The following IMPA2 variants were observed in gnomAD, a reference collection of about 807,000 sequenced individuals.
IMPA2 encodes the protein IMP 2.
IMPA2 carries 32 observed loss-of-function variants against 35.1 expected under a neutral mutation model. That is an observed-to-expected ratio of 0.91 (90% CI 0.69 to 1.23). The LOEUF is 1.23. IMPA2 is among the 50% of genes most tolerant of loss of function. IMPA2 has a pLI of 0.00. For missense variants in IMPA2, 334 were observed against 387.6 expected (o/e 0.86, Z 1.16); for synonymous variants, 135 against 160.6 (o/e 0.84, Z 1.20).
chr18:12,016,291 G>A (rs1021432314), intron 5 of IMPA2, among the ~76,000 whole-genome samples: 2 of 152,152 alleles, frequency 1.3e-5, no homozygotes, highest in African/African-American at 2.4e-5. Flanking sequence ...CAGGACAGGC[G>A]GTTCCACGTG....
intron 5 of IMPA2, among the ~76,000 whole-genome samples, chr18:12,015,619 C>T (rs2143812076): frequency 6.6e-6 from 1 of 152,326 alleles, no homozygotes; most frequent in African/African-American, 2.4e-5. Flanking sequence ...TCATGGGGGC[C>T]TCTGAGGGGC....
intron 4 of IMPA2, 118 bp from the exon 5 acceptor site, chr18:12,014,147 A>G (rs1907509003): frequency 2.8e-6 from 2 of 725,594 alleles, no homozygotes; most frequent in Non-Finnish European, 2.4e-6. Context: ...AATTTCTGTC[A>G]CAGTGTAATG....
In IMPA2 at chr18:11,991,156, A is replaced by G. The variant is rs908521061; in HGVS notation, c.97-7898A>G. On this transcript the variant is annotated intron_variant, in intron 1 of 7. Coordinates refer to ENST00000269159, the MANE Select transcript of IMPA2 (RefSeq NM_014214.3). This position sits in a 1 kb window ranked among gnomAD's most constrained non-coding sequence, Gnocchi z 4.1. Reference sequence around the variant, plus strand: ...ATGGTGGGGAGATAGGAGGAAAGCCACGAGGGGAGGCAGGGGCCACAGGCC... The same window carrying G: ...ATGGTGGGGAGATAGGAGGAAAGCCGCGAGGGGAGGCAGGGGCCACAGGCC... 3.3e-5 allele frequency among the ~76,000 whole-genome samples: 5 copies of G among 152,198 alleles called. No homozygotes were observed. The highest frequency in any genetic ancestry group is 7.3e-5 in the Non-Finnish European group (5 of 68,032).
intron 1 of IMPA2, among the ~76,000 whole-genome samples, chr18:11,984,781 C>T (rs1303869801): frequency 6.6e-6 from 1 of 151,880 alleles, no homozygotes; most frequent in East Asian, 1.9e-4. Context: ...TCCTGGCTAA[C>T]ACGGTGAAAC....
At chr18:11,997,485 T>G (rs1322884851) in intron 1 of IMPA2, among the ~76,000 whole-genome samples, 2 of 93,858 alleles carry the variant, frequency 2.1e-5, no homozygotes, top group Non-Finnish European at 5.0e-5. Flanking sequence ...CATATATCTG[T>G]TTTTTTTGCA....
intron 2 of IMPA2, among the ~76,000 whole-genome samples, chr18:12,003,489 T>C (rs1907168573): frequency 6.6e-6 from 1 of 151,652 alleles, no homozygotes; most frequent in South Asian, 2.1e-4. Context: ...CTACTAAAAA[T>C]AGGAAAACAA....
At chr18:11,995,832 TAC>T (rs1906944868) in intron 1 of IMPA2, among the ~76,000 whole-genome samples, 3 of 152,188 alleles carry the variant, frequency 2.0e-5, no homozygotes, top group South Asian at 4.1e-4. Flanking sequence ...GGAAAAATGT[TAC>T]AGTCTATTCA....
At chr18:12,006,568 G>A (rs957543605) in intron 2 of IMPA2, among the ~76,000 whole-genome samples, 2 of 152,228 alleles carry the variant, frequency 1.3e-5, no homozygotes. Flanking sequence ...CTCCTGGCTT[G>A]ACTTGACCTG....
intron 1 of IMPA2, among the ~76,000 whole-genome samples, chr18:11,985,147 CAAAAAAAAAAA>C (rs60194371): frequency 2.5e-5 from 2 of 80,558 alleles, no homozygotes; most frequent in African/African-American, 4.0e-5. Context: ...AACTCTGTCT[CAAAAAAAAAAA>C]AAAAAAAAAA....
chr18:12,013,365 G>T (rs1160444814), intron 4 of IMPA2, among the ~76,000 whole-genome samples: 2 of 152,306 alleles, frequency 1.3e-5, no homozygotes, highest in Non-Finnish European at 2.9e-5. Flanking sequence ...ATGATGAAAT[G>T]CTGCCAGACA....
At chr18:12,015,643 A>G (rs2143812115) in intron 5 of IMPA2, among the ~76,000 whole-genome samples, 1 of 152,144 alleles carries the variant, frequency 6.6e-6, no homozygotes, top group African/African-American at 2.4e-5. Flanking sequence ...CAGCAGTTGG[A>G]CTCACCAGTT....
At chr18:11,984,622 C>G (rs113440783) in intron 1 of IMPA2, among the ~76,000 whole-genome samples, 15,225 of 151,572 alleles carry the variant, frequency 0.1, 962 homozygotes, top group East Asian at 0.28. Context: ...TGTGGATCAC[C>G]TGAGGTCGGG....
intron 2 of IMPA2, among the ~76,000 whole-genome samples, chr18:12,006,849 G>A (rs1039160184): frequency 6.6e-6 from 1 of 152,030 alleles, no homozygotes; most frequent in African/African-American, 2.4e-5. Context: ...AAGTGACATC[G>A]GGCCAGGCGT....
intron 2 of IMPA2, among the ~76,000 whole-genome samples, chr18:12,004,557 G>A (rs1340016370): frequency 1.4e-5 from 2 of 148,030 alleles, no homozygotes; most frequent in East Asian, 4.0e-4. Context: ...TTGAGATGGA[G>A]TCTTGCTCTG....
chr18:12,017,039 TGCTTCCCTTG>T (rs961157102), intron 5 of IMPA2, among the ~76,000 whole-genome samples: 1 of 152,200 alleles, frequency 6.6e-6, no homozygotes, highest in African/African-American at 2.4e-5. Flanking sequence ...TCTCTCTTTC[TGCTTCCCTTG>T]GCTTCCCCTT....
At chr18:12,015,911 C>T (rs1344660918) in intron 5 of IMPA2, among the ~76,000 whole-genome samples, 4 of 152,132 alleles carry the variant, frequency 2.6e-5, no homozygotes, top group Non-Finnish European at 4.4e-5. Flanking sequence ...CCTGGCTGCC[C>T]GCCCGTGTAG....
At chr18:12,003,671 GAAAAAA>G (rs56354907) in intron 2 of IMPA2, among the ~76,000 whole-genome samples, 1 of 108,158 alleles carries the variant, frequency 9.2e-6, no homozygotes, top group South Asian at 3.0e-4. Flanking sequence ...AAAAGAAAAG[GAAAAAA>G]AAAAAAAAAG....
At chr18:12,017,327 T>A (rs1432011163) in intron 5 of IMPA2, among the ~76,000 whole-genome samples, 1 of 152,186 alleles carries the variant, frequency 6.6e-6, no homozygotes, top group African/African-American at 2.4e-5. Context: ...ATCAGGTCAC[T>A]TCCTAGTCAG....
intron 5 of IMPA2, among the ~76,000 whole-genome samples, chr18:12,024,815 A>G (rs1398455588): frequency 9.9e-5 from 15 of 152,064 alleles, no homozygotes. Context: ...CAGAAGGTGC[A>G]GAGAGACAGA....
Sources: allele counts gnomAD v4.1 joint callset (sites outside exome capture counted in the v4.1 genomes callset), GRCh38; gene constraint gnomAD v4.1.1; non-coding constraint Gnocchi (gnomAD v3.1); transcripts MANE v1.5; gene names NCBI Gene and HGNC (gene_info 2026-07-23, HGNC 2026-07-21).